The following NRG1 variants were observed in gnomAD, a reference collection of about 807,000 sequenced individuals.
NRG1 encodes neuregulin 1.
NRG1 carries 18 observed loss-of-function variants against 63.8 expected under a neutral mutation model. That is an observed-to-expected ratio of 0.28 (90% CI 0.19 to 0.42). NRG1 has a LOEUF of 0.42. Among genes scored for constraint, NRG1 ranks in the 10% least tolerant of loss-of-function variants. The pLI is 1.00. For missense variants in NRG1, 762 were observed against 814.7 expected (o/e 0.94, Z 0.79); for synonymous variants, 302 against 301.3 (o/e 1.00, Z -0.02).
intron 1 of NRG1, among the ~76,000 whole-genome samples, chr8:32,156,182 CT>C (rs1162901106): frequency 1.3e-5 from 2 of 152,138 alleles, no homozygotes; most frequent in Non-Finnish European, 2.9e-5. Context: ...CCTCACTATC[CT>C]TTCCTGGAGA....
chr8:32,647,342 G>A (rs1383870415), intron 5 of NRG1: 18 of 985,252 alleles, frequency 1.8e-5, no homozygotes, highest in Non-Finnish European at 2.2e-5. Context: ...AGCTTCAGAT[G>A]CTCGAGGTGA....
At chr8:32,333,408 G>T (rs1393897830) in intron 1 of NRG1, among the ~76,000 whole-genome samples, 1 of 152,178 alleles carries the variant, frequency 6.6e-6, no homozygotes, top group African/African-American at 2.4e-5. Flanking sequence ...CTTCTAGAAT[G>T]CAGGGGCTGT....
intron 8 of NRG1, among the ~76,000 whole-genome samples, chr8:32,754,815 A>G (rs1001108642): frequency 3.9e-5 from 6 of 152,110 alleles, no homozygotes; most frequent in African/African-American, 1.4e-4. Context: ...CCAGAAGTCC[A>G]TTTGAGGGCT....
chr8:31,706,330 T>C (rs572871335), intron 1 of NRG1, among the ~76,000 whole-genome samples: 2 of 152,152 alleles, frequency 1.3e-5, no homozygotes, highest in African/African-American at 4.8e-5. Flanking sequence ...CCTCTTGATT[T>C]TTTTCTTGCT....
chr8:32,307,207 G>A (rs547559319), intron 1 of NRG1, among the ~76,000 whole-genome samples: 119 of 152,210 alleles, frequency 7.8e-4, no homozygotes, highest in African/African-American at 2.6e-3. Context: ...TCTTTATCCC[G>A]GAGAGGAAAA....
intron 1 of NRG1, among the ~76,000 whole-genome samples, chr8:32,415,377 A>G (rs1175116384): frequency 3.3e-5 from 5 of 151,280 alleles, no homozygotes; most frequent in Non-Finnish European, 5.9e-5. Flanking sequence ...AAAAAAAAAA[A>G]AAAGAAAGAA....
At chr8:31,716,244 T>C (rs1262200829) in intron 1 of NRG1, among the ~76,000 whole-genome samples, 3 of 152,194 alleles carry the variant, frequency 2.0e-5, no homozygotes, top group Non-Finnish European at 4.4e-5. Context: ...GTTGTTGTTA[T>C]TATTGTTTGT....
intron 1 of NRG1, among the ~76,000 whole-genome samples, chr8:32,041,042 T>C (rs960521537): frequency 1.3e-5 from 2 of 152,148 alleles, no homozygotes; most frequent in Non-Finnish European, 2.9e-5. Context: ...CATCTGATGA[T>C]GTGTAACATG....
chr8:32,038,626 A>G (rs1023797414), intron 1 of NRG1, among the ~76,000 whole-genome samples: 1 of 152,112 alleles, frequency 6.6e-6, no homozygotes, highest in Admixed American at 6.5e-5. Context: ...TTATTCCTGT[A>G]TAGTTCTCTA....
intron 1 of NRG1, among the ~76,000 whole-genome samples, chr8:31,701,228 C>T (rs902696132): frequency 3.3e-5 from 5 of 152,042 alleles, no homozygotes; most frequent in South Asian, 2.1e-4. Flanking sequence ...TTATATGTAA[C>T]GTAAAATTAC....
intron 1 of NRG1, among the ~76,000 whole-genome samples, chr8:32,244,703 A>T (rs1763807498): frequency 6.6e-6 from 1 of 152,192 alleles, no homozygotes; most frequent in African/African-American, 2.4e-5. Flanking sequence ...GATCATCAGA[A>T]ACCTGAGTAA....
At chr8:31,698,227 C>T (rs10954810) in intron 1 of NRG1, among the ~76,000 whole-genome samples, 32,317 of 152,032 alleles carry the variant, frequency 0.21, 3,823 homozygotes, top group Non-Finnish European at 0.25. Context: ...AGTATTTCTC[C>T]CCCAAAACAC....
chr8:32,349,093 C>T (rs1805266619), intron 1 of NRG1, among the ~76,000 whole-genome samples: 1 of 152,162 alleles, frequency 6.6e-6, no homozygotes, highest in African/African-American at 2.4e-5. Context: ...TTCTGCAAGC[C>T]AGTTGAAAAA....
chr8:31,640,640 C>T lies in NRG1; in HGVS notation c.37+1209C>T, dbSNP rs754569262. On this transcript the variant is annotated intron_variant, in intron 1 of 10. Transcript: ENST00000519301. This position sits in a 1 kb window ranked among gnomAD's most constrained non-coding sequence, Gnocchi z 6.3. ...CCCGACGCCAACAGCACCAGCCGCG[C>T]GCCGGCCGCCTTCCGAGCCTCTTTC... is the stretch of plus-strand genomic sequence containing the variant. The T allele has an allele frequency of 6.2e-7, 1 of 1,609,168 alleles. No individual in the cohort carries two copies. Among genetic ancestry groups the T allele is most frequent in the Non-Finnish European group, 8.5e-7 (1 of 1,178,680 alleles).
chr8:32,587,470 A>C (rs1465234834), intron 1 of NRG1, among the ~76,000 whole-genome samples: 2 of 152,168 alleles, frequency 1.3e-5, no homozygotes, highest in East Asian at 3.9e-4. Context: ...TTAGATTTAC[A>C]TGTCATTTTT....
chr8:32,091,552 A>T (rs1829159114), intron 1 of NRG1, among the ~76,000 whole-genome samples: 1 of 152,180 alleles, frequency 6.6e-6, no homozygotes, highest in Non-Finnish European at 1.5e-5. Flanking sequence ...ACACATGCCC[A>T]CAGGCTGGTA....
At chr8:32,184,311 G>GAAGGTGAT (rs1391989728) in intron 1 of NRG1, among the ~76,000 whole-genome samples, 1 of 152,108 alleles carries the variant, frequency 6.6e-6, no homozygotes, top group Non-Finnish European at 1.5e-5. Context: ...ATAACTCCTT[G>GAAGGTGAT]AAAGTGATAA....
chr8:31,938,055 C>T (rs1432733355), intron 1 of NRG1, among the ~76,000 whole-genome samples: 1 of 152,092 alleles, frequency 6.6e-6, no homozygotes, highest in Admixed American at 6.5e-5. Context: ...GTCTATAGGA[C>T]CACAGCTGAT....
At chr8:31,753,337 A>G (rs1179112382) in intron 1 of NRG1, among the ~76,000 whole-genome samples, 2 of 148,702 alleles carry the variant, frequency 1.3e-5, no homozygotes, top group African/African-American at 2.4e-5. Flanking sequence ...TCAGTCATCA[A>G]AAAAAAAACC....
Sources: gnomAD v4.1 joint callset for allele counts (sites outside exome capture counted in the v4.1 genomes callset) on GRCh38, gnomAD v4.1.1 for gene constraint, Gnocchi (gnomAD v3.1) non-coding constraint, MANE v1.5 for transcripts, NCBI Gene and HGNC (gene_info 2026-07-23, HGNC 2026-07-21) for gene names.